MPPED2: variants seen among roughly 807,000 people sequenced by gnomAD.
The protein encoded by MPPED2 is metallophosphoesterase MPPED2.
In MPPED2, 5 loss-of-function variants were observed where a neutral mutation model predicts 33.0. That is an observed-to-expected ratio of 0.15 (90% CI 0.08 to 0.32). The LOEUF (loss-of-function observed/expected upper bound fraction) is 0.32, where lower values mean the gene tolerates loss of function less well. Ranked by LOEUF, MPPED2 falls within the 10% of genes least tolerant of loss-of-function variation. The pLI, the probability that MPPED2 is intolerant of heterozygous loss-of-function variation, is 1.00. For missense variants in MPPED2, 275 were observed against 372.1 expected (o/e 0.74, Z 2.15); for synonymous variants, 136 against 141.9 (o/e 0.96, Z 0.29).
intron 4 of MPPED2, among the ~76,000 whole-genome samples, chr11:30,484,196 T>C (rs1951619522): frequency 6.6e-6 from 1 of 152,152 alleles, no homozygotes; most frequent in Non-Finnish European, 1.5e-5. Context: ...AATCATTAAA[T>C]ATCACTGGCA....
Position 30,504,994 on chromosome 11 carries a change from A to G in MPPED2, c.311-9473T>C, listed in dbSNP as rs562354505. On this transcript the variant is annotated intron_variant, in intron 3 of 6. Coordinates refer to ENST00000358117, the MANE Select transcript of MPPED2 (RefSeq NM_001584.3). ...GCGGAAATGCTCCCTCCTCCGCTTCAGCCTCCTCCATAAAGAGAATCCCAA... is the reference window on the plus strand; with the variant it reads ...GCGGAAATGCTCCCTCCTCCGCTTCGGCCTCCTCCATAAAGAGAATCCCAA... 5.3e-5 allele frequency among the ~76,000 whole-genome samples: 8 copies of G among 152,246 alleles called. No homozygotes were observed. In the South Asian group the frequency reaches 1.7e-3, roughly 32 times the overall value.
chr11:30,546,929 T>A (rs1214495819), intron 2 of MPPED2, among the ~76,000 whole-genome samples: 3 of 152,204 alleles, frequency 2.0e-5, no homozygotes, highest in Non-Finnish European at 4.4e-5. Flanking sequence ...CTTGCAGAAA[T>A]GGCTGGTTCA....
At chr11:30,416,014 T>G (rs866975569) in intron 5 of MPPED2, among the ~76,000 whole-genome samples, 1 of 152,276 alleles carries the variant, frequency 6.6e-6, no homozygotes, top group South Asian at 2.1e-4. Flanking sequence ...GGGTAACTCA[T>G]GCTGATCACA....
intron 4 of MPPED2, among the ~76,000 whole-genome samples, chr11:30,491,752 G>A (rs140357190): frequency 2.6e-5 from 4 of 152,280 alleles, no homozygotes; most frequent in African/African-American, 7.2e-5. Flanking sequence ...TTTCTAAATC[G>A]ATGTTCAGAT....
chr11:30,426,181 C>A (rs1263886773), intron 4 of MPPED2, among the ~76,000 whole-genome samples: 1 of 152,180 alleles, frequency 6.6e-6, no homozygotes, highest in Non-Finnish European at 1.5e-5. Flanking sequence ...CTCCCCCAGT[C>A]CCTAGTAACC....
intron 4 of MPPED2, among the ~76,000 whole-genome samples, chr11:30,432,848 G>C (rs487742): frequency 6.6e-6 from 1 of 152,018 alleles, no homozygotes; most frequent in Non-Finnish European, 1.5e-5. Context: ...CCTGGTTGGA[G>C]CTAAAGTGTC....
At chr11:30,427,341 A>T (rs1420243470) in intron 4 of MPPED2, among the ~76,000 whole-genome samples, 1 of 152,224 alleles carries the variant, frequency 6.6e-6, no homozygotes, top group Admixed American at 6.5e-5. Context: ...GTGTTGTCAC[A>T]CATTTATGTT....
At chr11:30,456,552 G>A (rs1013044006) in intron 4 of MPPED2, among the ~76,000 whole-genome samples, 10 of 151,520 alleles carry the variant, frequency 6.6e-5, no homozygotes, top group South Asian at 2.1e-4. Flanking sequence ...GTGTGTGTGC[G>A]TGTGTGTGTG....
At chr11:30,402,888 A>G (rs1434973691) in intron 6 of MPPED2, among the ~76,000 whole-genome samples, 3 of 152,234 alleles carry the variant, frequency 2.0e-5, no homozygotes, top group Non-Finnish European at 4.4e-5. Flanking sequence ...TGAAACCAAC[A>G]TATTGCTTCC....
At chr11:30,553,273 G>A (rs1286887285) in intron 2 of MPPED2, among the ~76,000 whole-genome samples, 2 of 152,006 alleles carry the variant, frequency 1.3e-5, no homozygotes, top group African/African-American at 4.8e-5. Flanking sequence ...AAGGCAGAAG[G>A]GCAAGCATTA....
chr11:30,504,495 G>A (rs1952723497), intron 3 of MPPED2, among the ~76,000 whole-genome samples: 1 of 152,116 alleles, frequency 6.6e-6, no homozygotes, highest in African/African-American at 2.4e-5. Flanking sequence ...AAGCTATGAG[G>A]AGGCAGAGCC....
At chr11:30,418,054 G>C (rs1477474113) in intron 4 of MPPED2, among the ~76,000 whole-genome samples, 1 of 152,094 alleles carries the variant, frequency 6.6e-6, no homozygotes, top group African/African-American at 2.4e-5. Context: ...AGTGAGGAGG[G>C]AGGAGAAAAT....
intron 5 of MPPED2, among the ~76,000 whole-genome samples, chr11:30,415,009 A>G (rs937607555): frequency 1.2e-4 from 18 of 152,240 alleles, no homozygotes; most frequent in African/African-American, 4.3e-4. Flanking sequence ...GACATCAATT[A>G]TAGCAAAAGT....
At chr11:30,406,337 A>C (rs1947988995), downstream of MPPED2, among the ~76,000 whole-genome samples, 1 of 152,220 alleles carries the variant, frequency 6.6e-6, no homozygotes, top group Non-Finnish European at 1.5e-5. Flanking sequence ...CATGCTCAAA[A>C]TGGAATGTCC....
At position 30,476,670 on chromosome 11, in the gene MPPED2, T is replaced by C. The variant is rs935779401; in HGVS notation, c.536+18626A>G. Among the ~76,000 whole-genome samples the C allele has an allele frequency of 3.9e-5, 6 of 152,046 alleles. No individual in the cohort carries two copies. In the East Asian group the frequency reaches 1.2e-3, roughly 29 times the overall value. On this transcript the variant is annotated intron_variant, in intron 4 of 6. Transcript: ENST00000358117. ...GCTTCATAGTAAGCCTGAAATCAGA[T>C]AGTACAGTCCATCAACTTTTATTTT... is the stretch of plus-strand genomic sequence containing the variant.
chr11:30,418,529 A>C (rs557784383), intron 4 of MPPED2, among the ~76,000 whole-genome samples: 3 of 152,344 alleles, frequency 2.0e-5, no homozygotes, highest in African/African-American at 7.2e-5. Context: ...AGTAGTTCCC[A>C]GTGTTATCCT....
intron 3 of MPPED2, 52 bp downstream of exon 3, chr11:30,535,942 C>A (rs1954785513): frequency 6.7e-7 from 1 of 1,482,550 alleles, no homozygotes; most frequent in Non-Finnish European, 9.0e-7. Flanking sequence ...CAGTGAGTGA[C>A]ACTCGGACGG....
chr11:30,501,918 A>G (rs1952583417), intron 3 of MPPED2, among the ~76,000 whole-genome samples: 1 of 152,158 alleles, frequency 6.6e-6, no homozygotes, highest in Non-Finnish European at 1.5e-5. Flanking sequence ...AAGACAATCT[A>G]GTGGTTTGAA....
chr11:30,423,449 A>T (rs1948701257), intron 4 of MPPED2, among the ~76,000 whole-genome samples: 1 of 152,236 alleles, frequency 6.6e-6, no homozygotes, highest in Non-Finnish European at 1.5e-5. Context: ...GATTTGGCAC[A>T]GAAGCTGTGA....
Sources: allele counts gnomAD v4.1 joint callset (sites outside exome capture counted in the v4.1 genomes callset), GRCh38; gene constraint gnomAD v4.1.1; transcripts MANE v1.5; gene names NCBI Gene and HGNC (gene_info 2026-07-23, HGNC 2026-07-21).